Variants in KIAA0825 observed in about 807,000 individuals in gnomAD.
KIAA0825 encodes KIAA0825.
In KIAA0825, 119 loss-of-function variants were observed where a neutral mutation model predicts 147.6. The observed-to-expected ratio is 0.81, with a 90% CI of 0.69 to 0.94. The LOEUF (loss-of-function observed/expected upper bound fraction) is 0.94. Among genes scored for constraint, KIAA0825 ranks in the 40% least tolerant of loss-of-function variants. The pLI is 0.00. For missense variants in KIAA0825, 1,381 were observed against 1,472.7 expected (o/e 0.94, Z 1.02); for synonymous variants, 470 against 518.1 (o/e 0.91, Z 1.26).
chr5:94,187,425 A>AT (rs1157533377), intron 20 of KIAA0825, among the ~76,000 whole-genome samples: 317 of 114,280 alleles, frequency 2.8e-3, no homozygotes, highest in African/African-American at 8.2e-3. Context: ...TTTTTTTTTA[A>AT]TTTTTTTTTG....
intron 20 of KIAA0825, among the ~76,000 whole-genome samples, chr5:94,341,397 G>GCATCATCATCGCTGCTATCTCTTT (rs1782363376): frequency 6.6e-6 from 1 of 152,144 alleles, no homozygotes; most frequent in Non-Finnish European, 1.5e-5. Context: ...TAGCTACCCA[G>GCATCATCATCGCTGCTATCTCTTT]CATCATCATC....
chr5:94,283,067 G>A (rs1777530328), intron 20 of KIAA0825, among the ~76,000 whole-genome samples: 1 of 152,076 alleles, frequency 6.6e-6, no homozygotes, highest in South Asian at 2.1e-4. Flanking sequence ...AGAAATGAAT[G>A]TAAACATTCA....
chr5:94,430,708 A>C (rs1014613659), intron 14 of KIAA0825, among the ~76,000 whole-genome samples: 1 of 152,230 alleles, frequency 6.6e-6, no homozygotes, highest in Non-Finnish European at 1.5e-5. Flanking sequence ...CACATTAACT[A>C]CTAAGGAAGA....
intron 1 of KIAA0825, chr5:94,594,249 A>T (rs1160827975): frequency 1.6e-6 from 1 of 612,014 alleles, no homozygotes; most frequent in African/African-American, 1.8e-5. Flanking sequence ...TATGGAACTA[A>T]ATAGATCAGT....
intron 14 of KIAA0825, among the ~76,000 whole-genome samples, chr5:94,424,984 G>C (rs1051108770): frequency 6.6e-6 from 1 of 152,104 alleles, no homozygotes; most frequent in African/African-American, 2.4e-5. Context: ...GTAACGAGAT[G>C]AAAGGAGCAA....
In KIAA0825 at chr5:94,439,276, C is replaced by T. The variant is rs193027488; in HGVS notation, c.2497+706G>A. Among the ~76,000 whole-genome samples, 193 of 152,186 alleles carry T rather than the reference C, an allele frequency of 1.3e-3. 1 individual carries two copies. The highest frequency in any genetic ancestry group is 4.5e-3 in the African/African-American group (187 of 41,538). On this transcript the variant is annotated intron_variant, in intron 14 of 20. Coordinates refer to ENST00000682413, the MANE Select transcript of KIAA0825 (RefSeq NM_001145678.3). ...GTAATTGATAAAGTTAATCAGGCTT[C>T]GCTTGTGGTACGTAATAGGAGAGAT...
chr5:94,552,839 T>C (rs1303604029), intron 2 of KIAA0825, among the ~76,000 whole-genome samples: 1 of 151,910 alleles, frequency 6.6e-6, no homozygotes, highest in Non-Finnish European at 1.5e-5. Context: ...AAGTGAAGAG[T>C]AGAACAGAGG....
intron 20 of KIAA0825, among the ~76,000 whole-genome samples, chr5:94,330,110 A>G (rs183100354): frequency 6.6e-6 from 1 of 152,312 alleles, no homozygotes; most frequent in East Asian, 1.9e-4. Flanking sequence ...TATATATGTA[A>G]CAAAATTTCT....
At chr5:94,162,016 A>G (rs1251430845) in intron 20 of KIAA0825, among the ~76,000 whole-genome samples, 5 of 152,214 alleles carry the variant, frequency 3.3e-5, no homozygotes, top group Admixed American at 1.3e-4. Flanking sequence ...TTTAGTAAGC[A>G]TTGGAAAGTG....
rs183261266 is a variant in KIAA0825 at position 94,240,478 on chromosome 5, T to G, written c.3711-86354A>C. On this transcript the variant is annotated intron_variant, in intron 20 of 20. Transcript: ENST00000682413. ...TGGCAGCATAAATGTCTGGGCTGACTTAGTTTAGTTTAAGTGTAAATAGAG... is the reference window on the plus strand; with the variant it reads ...TGGCAGCATAAATGTCTGGGCTGACGTAGTTTAGTTTAAGTGTAAATAGAG... 5.4e-4 allele frequency among the ~76,000 whole-genome samples: 83 copies of G among 152,336 alleles called. No individual in the cohort carries two copies. In the East Asian group the frequency reaches 9.6e-3, roughly 18 times the overall value.
chr5:94,215,785 C>G (rs1379580241), intron 20 of KIAA0825, among the ~76,000 whole-genome samples: 1 of 152,092 alleles, frequency 6.6e-6, no homozygotes, highest in Non-Finnish European at 1.5e-5. Context: ...TTAGCTCCTC[C>G]TCCATCTGTC....
chr5:94,595,885 C>A (rs1387024529), intron 1 of KIAA0825, among the ~76,000 whole-genome samples: 1 of 152,186 alleles, frequency 6.6e-6, no homozygotes, highest in Non-Finnish European at 1.5e-5. Flanking sequence ...ATCTCCAGGG[C>A]AGGGGCAAAA....
chr5:94,608,156 C>A (rs987597660), intron 1 of KIAA0825, among the ~76,000 whole-genome samples: 26 of 151,704 alleles, frequency 1.7e-4, no homozygotes, highest in Admixed American at 4.6e-4. Context: ...ATCCTGCCTA[C>A]CACAGTACTC....
intron 14 of KIAA0825, among the ~76,000 whole-genome samples, chr5:94,420,563 G>A (rs1340210420): frequency 6.6e-6 from 1 of 152,062 alleles, no homozygotes; most frequent in Non-Finnish European, 1.5e-5. Context: ...ATATTGTCTT[G>A]TTACATCTCT....
intron 20 of KIAA0825, among the ~76,000 whole-genome samples, chr5:94,367,601 G>A (rs1448008106): frequency 6.6e-6 from 1 of 152,218 alleles, no homozygotes; most frequent in Non-Finnish European, 1.5e-5. Flanking sequence ...CCACAGTGGA[G>A]GTACTTGGTG....
At chr5:94,453,386 C>T (rs936103105) in intron 12 of KIAA0825, among the ~76,000 whole-genome samples, 10 of 138,608 alleles carry the variant, frequency 7.2e-5, no homozygotes, top group African/African-American at 2.7e-4. Flanking sequence ...GGGGTTTCAA[C>T]ATGTTGTCCA....
chr5:94,441,272 G>A lies in KIAA0825; in HGVS notation c.2358-1151C>T, dbSNP rs544746539. Among the ~76,000 whole-genome samples the A allele has an allele frequency of 5.9e-5, 9 of 152,148 alleles. No individual in the cohort carries two copies. In the East Asian group the frequency reaches 7.8e-4, roughly 13 times the overall value. Reference sequence around the variant, plus strand: ...AAATTCTGGGGCGGGGATTGGGGGCGGGGAGCGGGGGACAGGGCAGAAATC... The same window carrying A: ...AAATTCTGGGGCGGGGATTGGGGGCAGGGAGCGGGGGACAGGGCAGAAATC... On this transcript the variant is annotated intron_variant, in intron 13 of 20. Coordinates refer to ENST00000682413, the MANE Select transcript of KIAA0825 (RefSeq NM_001145678.3).
At chr5:94,403,542 T>C in intron 16 of KIAA0825, 27 bp downstream of exon 16, 1 of 1,534,242 alleles carries the variant, frequency 6.5e-7, no homozygotes, top group East Asian at 2.4e-5. Flanking sequence ...CAGGTGTATT[T>C]TCTTAAAGAG....
chr5:94,552,782 C>T (rs1386540722), intron 2 of KIAA0825, among the ~76,000 whole-genome samples: 2 of 152,062 alleles, frequency 1.3e-5, no homozygotes, highest in East Asian at 1.9e-4. Flanking sequence ...AGTTAAACAC[C>T]GCATGCTAAC....
Sources: gnomAD v4.1 joint callset for allele counts (sites outside exome capture counted in the v4.1 genomes callset) on GRCh38, gnomAD v4.1.1 for gene constraint, MANE v1.5 for transcripts, NCBI Gene and HGNC (gene_info 2026-07-23, HGNC 2026-07-21) for gene names.